Variants in RAB11FIP4 observed in about 807,000 individuals in gnomAD.
RAB11FIP4 encodes the protein RAB11 family interacting protein 4, also known as rab11 family-interacting protein 4.
RAB11FIP4 carries 23 observed loss-of-function variants against 74.3 expected under a neutral mutation model. The ratio of observed to expected loss-of-function variants is 0.31; its 90% CI spans 0.22 to 0.44. The LOEUF (loss-of-function observed/expected upper bound fraction) is 0.44, where lower values mean the gene tolerates loss of function less well. Ranked by LOEUF, RAB11FIP4 falls within the 20% of genes least tolerant of loss-of-function variation. The pLI, the probability that RAB11FIP4 is intolerant of heterozygous loss-of-function variation, is 1.00. For synonymous variants in RAB11FIP4, 360 were observed against 359.9 expected (o/e 1.00, Z 0.00); for missense variants, 630 against 863.9 (o/e 0.73, Z 3.39).
Position 31,453,031 on chromosome 17 carries a change from G to A in RAB11FIP4, c.336+18909G>A, listed in dbSNP as rs368916407. Reference sequence around the variant, plus strand: ...AGTACAGGTATAGGCCTACCTGACTGGCCCTGGGGGCAAAATGTTCATTTA... The same window carrying A: ...AGTACAGGTATAGGCCTACCTGACTAGCCCTGGGGGCAAAATGTTCATTTA... On this transcript the variant is annotated intron_variant, in intron 3 of 14. Coordinates refer to ENST00000621161, the MANE Select transcript of RAB11FIP4 (RefSeq NM_032932.6). 3.3e-5 allele frequency among the ~76,000 whole-genome samples: 5 copies of A among 152,082 alleles called. No individual in the cohort carries two copies. In the South Asian group the frequency reaches 8.3e-4, roughly 25 times the overall value.
chr17:31,458,515 G>A (rs1429593129), intron 3 of RAB11FIP4, among the ~76,000 whole-genome samples: 1 of 152,204 alleles, frequency 6.6e-6, no homozygotes, highest in Non-Finnish European at 1.5e-5. Flanking sequence ...GAGGCAGGTG[G>A]CACTGAGCCT....
intron 3 of RAB11FIP4, among the ~76,000 whole-genome samples, chr17:31,483,894 C>A (rs777048871): frequency 6.6e-6 from 1 of 152,082 alleles, no homozygotes; most frequent in Non-Finnish European, 1.5e-5. Context: ...CTAACTCTTG[C>A]ATGGTGGCAG....
intron 1 of RAB11FIP4, among the ~76,000 whole-genome samples, chr17:31,413,401 G>GAGGGC (rs2071117323): frequency 6.6e-6 from 1 of 152,160 alleles, no homozygotes; most frequent in Admixed American, 6.5e-5. Context: ...GCCTCACACG[G>GAGGGC]AGGGCACGGA....
intron 6 of RAB11FIP4, 25 bp downstream of exon 6, chr17:31,522,074 G>A (rs771839015): frequency 4.3e-6 from 7 of 1,613,660 alleles, no homozygotes; most frequent in Non-Finnish European, 5.9e-6. Flanking sequence ...CAGCTGGGGG[G>A]TGAGAGGCCG....
In RAB11FIP4 at chr17:31,537,490, T is replaced by C; in HGVS notation, c.*5758T>C. On this transcript the variant is annotated 3_prime_UTR_variant, in exon 15 of 15. Coordinates refer to ENST00000621161, the MANE Select transcript of RAB11FIP4 (RefSeq NM_032932.6). ...TGTAAAGCAGCTTCTCCCACAGAGC[T>C]TTCCCTGCATTGTTAGTGATGTCGG... is the stretch of plus-strand genomic sequence containing the variant. 1 of 316,740 alleles carries C rather than the reference T, an allele frequency of 3.2e-6. No individual in the cohort carries two copies. The highest frequency in any genetic ancestry group is 5.8e-6 in the Non-Finnish European group (1 of 173,198). The allele number at this position is 316,740 out of a possible 1,614,324, so 19.6% of individuals were successfully genotyped here. A position where few individuals can be genotyped will look rare whatever the true frequency, so the allele number is the denominator to read the frequency against.
At chr17:31,497,931 C>A (rs1367046801) in intron 3 of RAB11FIP4, among the ~76,000 whole-genome samples, 1 of 152,102 alleles carries the variant, frequency 6.6e-6, no homozygotes, top group Non-Finnish European at 1.5e-5. Context: ...GATTCGAAGC[C>A]CCCTCTTTGA....
chr17:31,449,662 C>T (rs1271806456), intron 3 of RAB11FIP4, among the ~76,000 whole-genome samples: 1 of 152,242 alleles, frequency 6.6e-6, no homozygotes, highest in African/African-American at 2.4e-5. Flanking sequence ...CCACCTCAGT[C>T]TCCCAGGTAG....
intron 3 of RAB11FIP4, among the ~76,000 whole-genome samples, chr17:31,488,677 A>G (rs1239234748): frequency 6.6e-6 from 1 of 152,048 alleles, no homozygotes; most frequent in African/African-American, 2.4e-5. Context: ...GGCTGCACAG[A>G]GCCTGTTTCC....
At chr17:31,523,374 C>G (rs779459844) in intron 7 of RAB11FIP4, 138 bp from the exon 8 acceptor site, 3 of 718,132 alleles carry the variant, frequency 4.2e-6, no homozygotes, top group Non-Finnish European at 2.5e-6. Context: ...AACATTCTTC[C>G]TCTCAGGCTG....
chr17:31,505,519 A>T (rs1360484973), intron 3 of RAB11FIP4, among the ~76,000 whole-genome samples: 2 of 78,656 alleles, frequency 2.5e-5, no homozygotes, highest in South Asian at 5.4e-4. Flanking sequence ...TATAATAATT[A>T]TATATTATAT....
At chr17:31,519,037 C>T (rs9896764) in intron 4 of RAB11FIP4, among the ~76,000 whole-genome samples, 36,673 of 107,250 alleles carry the variant, frequency 0.34, 6,321 homozygotes, top group South Asian at 0.52. Flanking sequence ...TTTTTTGAGA[C>T]GGAGTCTCGC....
At chr17:31,482,770 G>A (rs1256931743) in intron 3 of RAB11FIP4, among the ~76,000 whole-genome samples, 1 of 152,112 alleles carries the variant, frequency 6.6e-6, no homozygotes, top group African/African-American at 2.4e-5. Flanking sequence ...TTTAAGAGTT[G>A]TAGCTGAACT....
chr17:31,488,437 G>A (rs2142747881), intron 3 of RAB11FIP4: 1 of 738,890 alleles, frequency 1.4e-6, no homozygotes, highest in Non-Finnish European at 1.7e-6. Flanking sequence ...TGCCAGGTGC[G>A]CGGGTGGCGG....
rs1310704784 is a variant in RAB11FIP4, at chr17:31,532,828, C to T, written c.*1096C>T. ...TGATTCTCAGCCAGGGGAGCACTCG[C>T]TGCACTGGTGGGAGGCGGTTGGGAA... On this transcript the variant is annotated 3_prime_UTR_variant, in exon 15 of 15. Transcript: ENST00000621161. The T allele has an allele frequency of 6.6e-6, 1 of 152,176 alleles. No homozygotes were observed. The highest frequency in any genetic ancestry group is 2.4e-5 in the African/African-American group (1 of 41,438). The allele number at this position is 152,176 out of a possible 1,614,324, so 9.4% of individuals were successfully genotyped here. A position where few individuals can be genotyped will look rare whatever the true frequency, so the allele number is the denominator to read the frequency against.
intron 3 of RAB11FIP4, among the ~76,000 whole-genome samples, chr17:31,447,017 G>A (rs1297732020): frequency 5.3e-5 from 8 of 152,296 alleles, no homozygotes; most frequent in Admixed American, 1.3e-4. Context: ...GGGTGCCGTG[G>A]CTCTCGCCTG....
At chr17:31,477,898 C>G (rs925929543) in intron 3 of RAB11FIP4, among the ~76,000 whole-genome samples, 1 of 151,806 alleles carries the variant, frequency 6.6e-6, no homozygotes, top group Non-Finnish European at 1.5e-5. Context: ...ATACCTGCCT[C>G]GTAGGGTTGT....
chr17:31,478,239 C>T (rs564169091), intron 3 of RAB11FIP4, among the ~76,000 whole-genome samples: 16 of 152,218 alleles, frequency 1.1e-4, no homozygotes, highest in African/African-American at 3.6e-4. Flanking sequence ...ATGATTCACC[C>T]GCCTTGGTCT....
intron 3 of RAB11FIP4, among the ~76,000 whole-genome samples, chr17:31,516,293 G>T (rs2072544850): frequency 6.6e-6 from 1 of 151,228 alleles, no homozygotes; most frequent in African/African-American, 2.4e-5. Context: ...AAGCTGTTCA[G>T]TGTGACTGTG....
chr17:31,434,833 C>T (rs1003706389), intron 3 of RAB11FIP4, among the ~76,000 whole-genome samples: 8 of 152,208 alleles, frequency 5.3e-5, no homozygotes, highest in African/African-American at 1.9e-4. Flanking sequence ...CGCTTAGGGG[C>T]GCTGCCTCCC....
Sources: allele counts gnomAD v4.1 joint callset (sites outside exome capture counted in the v4.1 genomes callset), GRCh38; gene constraint gnomAD v4.1.1; transcripts MANE v1.5; gene names NCBI Gene and HGNC (gene_info 2026-07-23, HGNC 2026-07-21).